GALNT14: variants seen among roughly 807,000 people sequenced by gnomAD.
The protein encoded by GALNT14 is polypeptide N-acetylgalactosaminyltransferase 14.
In GALNT14, 60 loss-of-function variants were observed where a neutral mutation model predicts 77.5. The ratio of observed to expected loss-of-function variants is 0.77; its 90% CI spans 0.63 to 0.96. The LOEUF (loss-of-function observed/expected upper bound fraction) is 0.96. Ranked by LOEUF, GALNT14 falls within the 40% of genes least tolerant of loss-of-function variation. GALNT14 has a pLI of 0.00. For missense variants in GALNT14, 710 were observed against 731.0 expected (o/e 0.97, Z 0.33); for synonymous variants, 280 against 281.7 (o/e 0.99, Z 0.06).
chr2:30,889,961 C>T, the GALNT14 span, among the ~76,000 whole-genome samples: 2 of 152,100 alleles, frequency 1.3e-5, no homozygotes, highest in South Asian at 2.1e-4. Flanking sequence ...TGCATTAAAC[C>T]GTGAGTATTT....
At chr2:31,006,273 G>T (rs960573875) in intron 1 of GALNT14, among the ~76,000 whole-genome samples, 1 of 152,026 alleles carries the variant, frequency 6.6e-6, no homozygotes, top group South Asian at 2.1e-4. Flanking sequence ...GAAGCCAGGC[G>T]AAAGAACTGG....
intron 1 of GALNT14, among the ~76,000 whole-genome samples, chr2:31,016,218 T>C (rs560245632): frequency 2.0e-5 from 3 of 152,316 alleles, no homozygotes; most frequent in East Asian, 1.9e-4. Context: ...GGCCGTCTTC[T>C]GGCTGAGTCC....
At chr2:30,907,863 T>A (rs1465046107), downstream of GALNT14, among the ~76,000 whole-genome samples, 1 of 139,208 alleles carries the variant, frequency 7.2e-6, no homozygotes, top group Admixed American at 7.5e-5. Context: ...TTATCCACCA[T>A]GATCAAGTGG....
chr2:30,949,565 C>T (rs1250058458), intron 6 of GALNT14, among the ~76,000 whole-genome samples: 1 of 152,220 alleles, frequency 6.6e-6, no homozygotes, highest in East Asian at 1.9e-4. Flanking sequence ...CCACCCAACT[C>T]CTACCCAACC....
intron 1 of GALNT14, among the ~76,000 whole-genome samples, chr2:31,004,877 C>G (rs756071357): frequency 6.6e-6 from 1 of 152,172 alleles, no homozygotes; most frequent in African/African-American, 2.4e-5. Flanking sequence ...CAGGGAAAAG[C>G]AATTTTCAAG....
intron 1 of GALNT14, among the ~76,000 whole-genome samples, chr2:31,070,360 C>T (rs927702253): frequency 5.9e-5 from 9 of 152,202 alleles, no homozygotes; most frequent in Non-Finnish European, 8.8e-5. Flanking sequence ...CTAGACATGG[C>T]CACACCATCT....
intron 3 of GALNT14, among the ~76,000 whole-genome samples, chr2:30,961,710 T>G (rs1244480299): frequency 1.3e-5 from 2 of 151,684 alleles, no homozygotes; most frequent in African/African-American, 2.4e-5. Flanking sequence ...AGATGGAGTT[T>G]CACTGTTGTT....
At chr2:31,095,693 G>T (rs1359357015) in intron 1 of GALNT14, among the ~76,000 whole-genome samples, 1 of 152,040 alleles carries the variant, frequency 6.6e-6, no homozygotes, top group Non-Finnish European at 1.5e-5. Flanking sequence ...CCCATAGAAT[G>T]GTTATTGAAT....
intron 11 of GALNT14, among the ~76,000 whole-genome samples, chr2:30,926,137 CTCCATCAGG>C: frequency 6.6e-6 from 1 of 152,192 alleles, no homozygotes. Context: ...AGACTCTAAG[CTCCATCAGG>C]ATGGGAAGGA....
chr2:31,004,548 G>A (rs796146036), intron 1 of GALNT14, among the ~76,000 whole-genome samples: 5 of 152,116 alleles, frequency 3.3e-5, no homozygotes, highest in African/African-American at 9.7e-5. Flanking sequence ...ATCAGACAGA[G>A]GGCAGGTCTG....
intron 1 of GALNT14, among the ~76,000 whole-genome samples, chr2:31,019,019 G>A (rs1164082005): frequency 2.6e-5 from 4 of 151,518 alleles, no homozygotes; most frequent in East Asian, 1.9e-4. Context: ...CAGGTACTAT[G>A]CTCAGTGCTT....
chr2:30,918,176 T>C (rs1226664822), intron 13 of GALNT14, among the ~76,000 whole-genome samples: 1 of 152,170 alleles, frequency 6.6e-6, no homozygotes, highest in African/African-American at 2.4e-5. Context: ...TCCAGCCCAT[T>C]CTGTCCTTTC....
intron 6 of GALNT14, among the ~76,000 whole-genome samples, chr2:30,949,398 G>C (rs745399260): frequency 6.6e-6 from 1 of 152,088 alleles, no homozygotes; most frequent in Non-Finnish European, 1.5e-5. Context: ...TTAAAGCACC[G>C]AGGCACACTG....
downstream of GALNT14, among the ~76,000 whole-genome samples, chr2:30,908,973 T>C (rs1187346735): frequency 6.6e-6 from 1 of 151,870 alleles, no homozygotes; most frequent in East Asian, 1.9e-4. Context: ...ATTTGCTATT[T>C]AATAAATGGT....
rs56703340 is a variant in GALNT14, at chr2:30,989,583, A to ATATAAAT, written c.299+3254_299+3255insATTTATA. 5.9e-3 allele frequency among the ~76,000 whole-genome samples: 538 copies of ATATAAAT among 91,838 alleles called. 14 individuals are homozygous for ATATAAAT. The highest frequency in any genetic ancestry group is 0.022 in the African/African-American group (507 of 23,528). The allele number at this position is 91,838 out of a possible 152,430, so 60.2% of individuals were successfully genotyped here. ...CCTTATATATATATATATATATATA[A>ATATAAAT]AAATATATATATTAGTAGATATATA... On this transcript the variant is annotated intron_variant, in intron 2 of 14. Transcript: ENST00000349752.
intron 6 of GALNT14, 52 bp downstream of exon 6, chr2:30,955,566 C>A: frequency 2.5e-6 from 4 of 1,595,910 alleles, no homozygotes; most frequent in South Asian, 1.1e-5. Flanking sequence ...TGAGAGAGAG[C>A]CTGGAGAAAG....
intron 2 of GALNT14, among the ~76,000 whole-genome samples, chr2:30,987,617 C>A (rs1182039296): frequency 6.6e-6 from 1 of 152,186 alleles, no homozygotes; most frequent in East Asian, 1.9e-4. Flanking sequence ...CCCTGCATGG[C>A]TTGCTTGTAA....
At chr2:30,925,135 T>A (rs1200240981) in intron 11 of GALNT14, among the ~76,000 whole-genome samples, 1 of 152,174 alleles carries the variant, frequency 6.6e-6, no homozygotes, top group Non-Finnish European at 1.5e-5. Flanking sequence ...GAACATTCAG[T>A]GTGTTGTTAA....
chr2:30,937,300 G>C (rs1666112385), intron 9 of GALNT14, among the ~76,000 whole-genome samples: 1 of 152,228 alleles, frequency 6.6e-6, no homozygotes, highest in Non-Finnish European at 1.5e-5. Context: ...CAACAGCCCT[G>C]TGATGTGGGG....
Sources: allele counts gnomAD v4.1 joint callset (sites outside exome capture counted in the v4.1 genomes callset), GRCh38; gene constraint gnomAD v4.1.1; transcripts MANE v1.5; gene names NCBI Gene and HGNC (gene_info 2026-07-23, HGNC 2026-07-21).